The following EIF5B variants were observed in gnomAD, a reference collection of about 807,000 sequenced individuals.
The protein encoded by EIF5B is eIF-5B.
In EIF5B, 47 loss-of-function variants were observed where a neutral mutation model predicts 147.5. The observed-to-expected ratio is 0.32, with a 90% CI of 0.25 to 0.41. The LOEUF (loss-of-function observed/expected upper bound fraction) is 0.41. Among genes scored for constraint, EIF5B ranks in the 10% least tolerant of loss-of-function variants. The pLI is 1.00. For synonymous variants in EIF5B, 455 were observed against 456.2 expected, an observed-to-expected ratio of 1.00 and a Z score of 0.03; for missense variants, 1,064 against 1,413.2, an observed-to-expected ratio of 0.75 and a Z score of 3.96.
In EIF5B at chr2:99,346,589, C is replaced by CTTTTTTTT. The variant is rs773411395; in HGVS notation, c.35+9020_35+9027dup. On this transcript the variant is annotated intron_variant, in intron 1 of 23. Coordinates refer to ENST00000289371, the MANE Select transcript of EIF5B (RefSeq NM_015904.4). Reference sequence around the variant, plus strand: ...TTATTTTAGAACATAAGTTGTATCTCTTTTTTTTTTTTTTTTTTTTTTTTT... The same window carrying CTTTTTTTT: ...TTATTTTAGAACATAAGTTGTATCTCTTTTTTTTTTTTTTTTTTTTTTTTTTTTTTTTT... 8.1e-5 allele frequency among the ~76,000 whole-genome samples: 5 copies of CTTTTTTTT among 61,670 alleles called. 1 individual carries two copies. The highest frequency in any genetic ancestry group is 1.4e-4 in the Non-Finnish European group (5 of 36,422). 40.5% of individuals were successfully genotyped at this position (61,670 alleles called of 152,430 possible). A position where few individuals can be genotyped will look rare whatever the true frequency, so the allele number is the denominator to read the frequency against.
rs931280872 is a variant in EIF5B at position 99,349,166 on chromosome 2, A to G, written c.36-11070A>G. 2.0e-5 allele frequency among the ~76,000 whole-genome samples: 3 copies of G among 152,258 alleles called. No homozygotes were observed. The South Asian group carries it at 6.2e-4, about 31-fold the overall frequency. On this transcript the variant is annotated intron_variant, in intron 1 of 23. Transcript: ENST00000289371. ...TAGCAAGCAGTCATACAACTCCCAC[A>G]TTAAAGGAGATAGACCTCCACCTCT...
In EIF5B at chr2:99,390,392, G is replaced by C; in HGVS notation, c.2577G>C (p.Gln859His). Residue 859 changes from glutamine to histidine, a missense_variant, in exon 16 of 24, where the codon CAG becomes CAC. Gln to His is a conservative substitution (Grantham distance 24). This residue lies in a region of EIF5B where 380 missense variants were observed against 715.6 expected (regional missense o/e 0.53). Transcript: ENST00000289371. ...RLAHCEELRA[Q>H]VMEVKALPGM... ...CACACTGTGAAGAGCTGAGAGCACA[G>C]GTGATGGAGGTAATGATCAACTTTT... The C allele has an allele frequency of 6.2e-7, 1 of 1,607,354 alleles. No homozygotes were observed. The highest frequency in any genetic ancestry group is 8.5e-7 in the Non-Finnish European group (1 of 1,177,850).
Position 99,400,980 on chromosome 2 carries a change from A to ACACTT in EIF5B, c.*1571_*1575dup, listed in dbSNP as rs773764735. 7 of 258,992 alleles carry ACACTT rather than the reference A, an allele frequency of 2.7e-5. No homozygotes were observed. Among genetic ancestry groups the ACACTT allele is most frequent in the Non-Finnish European group, 5.3e-5 (7 of 133,180 alleles). 16.0% of individuals were successfully genotyped at this position (258,992 alleles called of 1,614,324 possible). On this transcript the variant is annotated 3_prime_UTR_variant, in exon 24 of 24. Transcript: ENST00000289371. Reference sequence around the variant, plus strand: ...ACAGTTCTTTATTAAACAACTGTAAACACTTCACTGTAAAAATCCATAAAA... The same window carrying ACACTT: ...ACAGTTCTTTATTAAACAACTGTAAACACTTCACTTCACTGTAAAAATCCATAAAA...
intron 23 of EIF5B, 187 bp downstream of exon 23, chr2:99,399,096 C>CCAA (rs1675137090): frequency 4.9e-6 from 4 of 817,272 alleles, no homozygotes; most frequent in Non-Finnish European, 7.5e-6. Flanking sequence ...GAAAGCAGCA[C>CCAA]CAACAGAGAA....
intron 14 of EIF5B, among the ~76,000 whole-genome samples, chr2:99,387,906 G>GAA (rs1674845686): frequency 6.6e-6 from 1 of 152,094 alleles, no homozygotes; most frequent in Admixed American, 6.5e-5. Context: ...CACCTGGGCT[G>GAA]AAGCAATCTG....
rs1189175387 is a variant in EIF5B at position 99,339,006 on chromosome 2, A to ATT, written c.35+1432_35+1433dup. ...AATATATACACAAATATATATATAC[A>ATT]TTTTTTTTTTTTTTTTGAGACGGAG... On this transcript the variant is annotated intron_variant, in intron 1 of 23. Transcript: ENST00000289371. 3.0e-4 allele frequency among the ~76,000 whole-genome samples: 41 copies of ATT among 137,190 alleles called. 2 individuals are homozygous for ATT. The highest frequency in any genetic ancestry group is 1.1e-3 in the African/African-American group (40 of 37,278). 90.0% of individuals were successfully genotyped at this position (137,190 alleles called of 152,430 possible).
intron 21 of EIF5B, among the ~76,000 whole-genome samples, chr2:99,395,770 TCAGA>T (rs1356511924): frequency 6.6e-6 from 1 of 152,132 alleles, no homozygotes; most frequent in Non-Finnish European, 1.5e-5. Flanking sequence ...TCTCACCTCT[TCAGA>T]CAGAGTAAGC....
chr2:99,392,541 A>AT (rs1320856876), intron 17 of EIF5B, among the ~76,000 whole-genome samples: 2 of 151,840 alleles, frequency 1.3e-5, no homozygotes, highest in South Asian at 2.1e-4. Context: ...TAGGTTTTAA[A>AT]TTTTTTTTGC....
intron 9 of EIF5B, among the ~76,000 whole-genome samples, chr2:99,372,267 A>G (rs1674467335): frequency 6.6e-6 from 1 of 152,098 alleles, no homozygotes; most frequent in East Asian, 1.9e-4. Flanking sequence ...CTTTAGTCAA[A>G]TTCTGTAAGT....
chr2:99,389,340 T>A (rs949717623), intron 14 of EIF5B, among the ~76,000 whole-genome samples: 6 of 152,248 alleles, frequency 3.9e-5, no homozygotes, highest in African/African-American at 1.4e-4. Context: ...ATATATTTTT[T>A]AATTTTTTGG....
chr2:99,355,368 A>T (rs1356593747), intron 1 of EIF5B, among the ~76,000 whole-genome samples: 1 of 152,144 alleles, frequency 6.6e-6, no homozygotes, highest in Non-Finnish European at 1.5e-5. Flanking sequence ...TTAAACCTGT[A>T]TATCATTTTA....
chr2:99,395,360 G>A (rs908331963), intron 21 of EIF5B, among the ~76,000 whole-genome samples: 13 of 152,176 alleles, frequency 8.5e-5, no homozygotes, highest in African/African-American at 2.9e-4. Flanking sequence ...TTGAGACAGG[G>A]TCTCGTTCTG....
intron 7 of EIF5B, among the ~76,000 whole-genome samples, chr2:99,369,109 C>G (rs1040107287): frequency 6.6e-6 from 1 of 152,006 alleles, no homozygotes; most frequent in African/African-American, 2.4e-5. Flanking sequence ...CCTGCCTCTA[C>G]TGAAAATAAG....
chr2:99,390,747 A>G (rs1248643594), intron 17 of EIF5B, 42 bp downstream of exon 17: 4 of 1,543,504 alleles, frequency 2.6e-6, no homozygotes, highest in East Asian at 4.6e-5. Flanking sequence ...GGACTTGTAC[A>G]GTGTTTAGAA....
intron 10 of EIF5B, among the ~76,000 whole-genome samples, chr2:99,378,504 TAAAC>T (rs1212144815): frequency 1.3e-5 from 2 of 152,212 alleles, no homozygotes; most frequent in African/African-American, 2.4e-5. Context: ...GAACCTTAAA[TAAAC>T]AGTCTCCTCC....
chr2:99,337,761 C>T (rs771429528), intron 1 of EIF5B, among the ~76,000 whole-genome samples, 172 bp downstream of exon 1: 2 of 152,164 alleles, frequency 1.3e-5, no homozygotes, highest in Non-Finnish European at 2.9e-5. Context: ...CGGGTGGGCA[C>T]GTAGGGCCTC....
intron 1 of EIF5B, among the ~76,000 whole-genome samples, chr2:99,343,615 C>T (rs1238611550): frequency 2.6e-5 from 4 of 151,796 alleles, no homozygotes; most frequent in East Asian, 4.0e-4. Context: ...GTCAGGAGTT[C>T]GAGACCAGCC....
In EIF5B at chr2:99,400,074, G is replaced by C. The variant is rs1559264163; in HGVS notation, c.*660G>C. 6.6e-6 allele frequency: 1 copy of C among 152,250 alleles called. No individual in the cohort carries two copies. Among genetic ancestry groups the C allele is most frequent in the Non-Finnish European group, 1.5e-5 (1 of 68,060 alleles). The allele number at this position is 152,250 out of a possible 1,614,324, so 9.4% of individuals were successfully genotyped here. ...AAAACAGACATCCACCAGTAAGCAA[G>C]CTCTGTTAGGCTTCCATGTTAGTGT... On this transcript the variant is annotated 3_prime_UTR_variant, in exon 24 of 24. Transcript: ENST00000289371.
chr2:99,364,200 G>C, intron 5 of EIF5B, 71 bp from the exon 6 acceptor site: 5 of 1,495,628 alleles, frequency 3.3e-6, no homozygotes, highest in Non-Finnish European at 3.6e-6. Flanking sequence ...TTGAAGTTTG[G>C]ATTGTTTACA....
Sources: gnomAD v4.1 joint callset for allele counts (sites outside exome capture counted in the v4.1 genomes callset) on GRCh38, gnomAD v4.1.1 for gene constraint, gnomAD v4.1.1 regional missense constraint, MANE v1.5 for transcripts, NCBI Gene and HGNC (gene_info 2026-07-23, HGNC 2026-07-21) for gene names.